ANTXRL: variants seen among roughly 807,000 people sequenced by gnomAD.
The protein encoded by ANTXRL is ANTXR like.
ANTXRL carries 63 observed loss-of-function variants against 75.4 expected under a neutral mutation model. The ratio of observed to expected loss-of-function variants is 0.84; its 90% CI spans 0.68 to 1.03. The LOEUF is 1.03. ANTXRL is among the 50% of genes least tolerant of loss of function. ANTXRL has a pLI of 0.00. For synonymous variants in ANTXRL, 335 were observed against 291.3 expected, an observed-to-expected ratio of 1.15 and a Z score of -1.53; for missense variants, 797 against 789.4, an observed-to-expected ratio of 1.01 and a Z score of -0.12.
rs184087275 is a variant in ANTXRL at position 46,294,059 on chromosome 10, G to A, written c.392+159G>A. ...CAGTACCCACCTGACCTTAGCCCCG[G>A]CTCCCCTGCATCCTCCTACCCATGG... On this transcript the variant is annotated intron_variant, in intron 3 of 16. Coordinates refer to ENST00000620264, the MANE Select transcript of ANTXRL (RefSeq NM_001278688.3). 5.3e-4 allele frequency: 338 copies of A among 632,762 alleles called. 3 individuals carry two copies. The highest frequency in any genetic ancestry group is 5.4e-5 in the Non-Finnish European group (20 of 371,518). The allele number at this position is 632,762 out of a possible 1,614,324, so 39.2% of individuals were successfully genotyped here. A position where few individuals can be genotyped will look rare whatever the true frequency, so the allele number is the denominator to read the frequency against.
chr10:46,287,279 C>G lies in ANTXRL; in HGVS notation c.17C>G (p.Ser6Cys), dbSNP rs750794572. ...AGCCAGATAATGGGGAGCCATGAGT[C>G]CCTGGGGCCCTACTTCCTGGTCTTC... The part of the protein sequence containing the change: MGSHE[S>C]LGPYFLVFLL... Residue 6 changes from serine (S) to cysteine (C), a missense_variant, in exon 1 of 17, where the codon TCC (serine) becomes TGC (cysteine). Transcript: ENST00000620264. 6.3e-5 allele frequency: 96 copies of G among 1,535,696 alleles called. No homozygotes were observed. The highest frequency in any genetic ancestry group is 8.0e-5 in the Non-Finnish European group (92 of 1,146,734).
chr10:46,296,216 C>T lies in ANTXRL; in HGVS notation c.475-3C>T. On this transcript the variant is annotated splice_region_variant and splice_polypyrimidine_tract_variant and intron_variant, in intron 4 of 16. Coordinates refer to ENST00000620264, the MANE Select transcript of ANTXRL (RefSeq NM_001278688.3). ...GGCTCAATATTTCTTCATTTTCTTG[C>T]AGGCAATTCAACAGATCGAAAGTTT... is the stretch of plus-strand genomic sequence containing the variant. The T allele has an allele frequency of 1.3e-6, 2 of 1,535,836 alleles. No homozygotes were observed. Among genetic ancestry groups the T allele is most frequent in the Non-Finnish European group, 1.7e-6 (2 of 1,146,722 alleles).
chr10:46,309,025 A>C, intron 12 of ANTXRL, 88 bp from the exon 13 acceptor site: 1 of 1,516,914 alleles, frequency 6.6e-7, no homozygotes. Flanking sequence ...AGCTAGGGAG[A>C]GTGAGGAGTG....
chr10:46,319,966 C>A (rs544618071), intron 16 of ANTXRL, among the ~76,000 whole-genome samples: 6 of 152,234 alleles, frequency 3.9e-5, no homozygotes, highest in African/African-American at 1.4e-4. Flanking sequence ...TCAACTGTAG[C>A]AAAAAGGAGA....
At chr10:46,295,463 G>GTTAGA (rs1837310433) in intron 3 of ANTXRL, among the ~76,000 whole-genome samples, 2 of 90,392 alleles carry the variant, frequency 2.2e-5, no homozygotes. Flanking sequence ...TTAGGGTTTG[G>GTTAGA]GTTAGAGTTA....
intron 16 of ANTXRL, among the ~76,000 whole-genome samples, chr10:46,317,387 AC>A (rs1838785162): frequency 2.6e-5 from 4 of 152,106 alleles, no homozygotes; most frequent in Non-Finnish European, 5.9e-5. Context: ...TCACTTGCAG[AC>A]CTCCTTCTAA....
intron 9 of ANTXRL, among the ~76,000 whole-genome samples, chr10:46,301,211 G>C (rs1837721567): frequency 6.6e-6 from 1 of 152,252 alleles, no homozygotes; most frequent in African/African-American, 2.4e-5. Context: ...TGTCTGGCTG[G>C]CCAGGGCTTT....
intron 5 of ANTXRL, 82 bp downstream of exon 5, chr10:46,296,334 C>G (rs1554958688): frequency 6.9e-7 from 1 of 1,448,720 alleles, no homozygotes; most frequent in Non-Finnish European, 9.3e-7. Context: ...TGTGCAGAAT[C>G]TGCAAGGCCA....
intron 16 of ANTXRL, among the ~76,000 whole-genome samples, chr10:46,321,938 T>C (rs1291693323): frequency 6.6e-6 from 1 of 152,144 alleles, no homozygotes; most frequent in Non-Finnish European, 1.5e-5. Context: ...TCTTTCAACT[T>C]TTCCAGAAGA....
At chr10:46,319,197 ACTCTTTTGAGTGGC>A (rs1838870664) in intron 16 of ANTXRL, among the ~76,000 whole-genome samples, 1 of 151,972 alleles carries the variant, frequency 6.6e-6, no homozygotes, top group Non-Finnish European at 1.5e-5. Flanking sequence ...TAACAATTTC[ACTCTTTTGAGTGGC>A]CTCTCAATTT....
chr10:46,293,427 CGTGTATGGGTGCAT>C (rs1162891615), intron 2 of ANTXRL, among the ~76,000 whole-genome samples: 19 of 127,808 alleles, frequency 1.5e-4, no homozygotes, highest in East Asian at 7.1e-4. Flanking sequence ...TGGGTGTGTG[CGTGTATGGGTGCAT>C]GTGTATGGGT....
intron 16 of ANTXRL, among the ~76,000 whole-genome samples, chr10:46,328,348 C>T (rs1554966876): frequency 2.6e-5 from 4 of 152,104 alleles, no homozygotes; most frequent in Non-Finnish European, 5.9e-5. Context: ...GCCTGCTAAG[C>T]CCCAAGAGAA....
At chr10:46,302,254 G>A (rs1174614197) in intron 9 of ANTXRL, among the ~76,000 whole-genome samples, 2 of 152,154 alleles carry the variant, frequency 1.3e-5, no homozygotes, top group African/African-American at 2.4e-5. Context: ...CGAATGTTCA[G>A]CAGCCCTGAA....
chr10:46,287,192 C>G lies in ANTXRL; in HGVS notation c.-71C>G, dbSNP rs571536802. 6.7e-7 allele frequency: 1 copy of G among 1,502,264 alleles called. No homozygotes were observed. Among genetic ancestry groups the G allele is most frequent in the Admixed American group, 2.1e-5 (1 of 46,526 alleles). 93.1% of individuals were successfully genotyped at this position (1,502,264 alleles called of 1,614,324 possible). On this transcript the variant is annotated 5_prime_UTR_variant, in exon 1 of 17. Coordinates refer to ENST00000620264, the MANE Select transcript of ANTXRL (RefSeq NM_001278688.3). ...TAAGGGGAGGCGGCAAAGAAGGGGC[C>G]TGTGCTCAGCCTCTCTGGGCCCTGG...
At chr10:46,321,863 T>G (rs1460858528) in intron 16 of ANTXRL, among the ~76,000 whole-genome samples, 2 of 152,132 alleles carry the variant, frequency 1.3e-5, no homozygotes, top group African/African-American at 4.8e-5. Flanking sequence ...TGATAGTACC[T>G]TTGGCCAAGG....
chr10:46,292,156 C>G (rs116422238), intron 2 of ANTXRL, 27 bp downstream of exon 2: 1 of 1,533,408 alleles, frequency 6.5e-7, no homozygotes, highest in Non-Finnish European at 8.7e-7. Context: ...GGCAGCCTCC[C>G]CTGAGCTGCA....
Position 46,287,284 on chromosome 10 carries a change from G to C in ANTXRL, c.22G>C (p.Gly8Arg). MGSHESL[G>R]PYFLVFLLLL... ...GATAATGGGGAGCCATGAGTCCCTG[G>C]GGCCCTACTTCCTGGTCTTCCTGCT... Residue 8 changes from glycine (G) to arginine (R), a missense_variant, in exon 1 of 17, where the codon GGG (glycine) becomes CGG (arginine). Coordinates refer to ENST00000620264, the MANE Select transcript of ANTXRL (RefSeq NM_001278688.3). 1 of 1,535,880 alleles carries C rather than the reference G, an allele frequency of 6.5e-7. No individual in the cohort carries two copies. Among genetic ancestry groups the C allele is most frequent in the Non-Finnish European group, 8.7e-7 (1 of 1,146,728 alleles).
intron 9 of ANTXRL, among the ~76,000 whole-genome samples, chr10:46,301,157 G>A (rs1400832510): frequency 6.6e-6 from 1 of 152,246 alleles, no homozygotes; most frequent in Non-Finnish European, 1.5e-5. Flanking sequence ...AGGGGCGCAG[G>A]CCACAGGCCC....
intron 12 of ANTXRL, chr10:46,308,445 C>A (rs1233903429): frequency 1.6e-5 from 7 of 441,102 alleles, no homozygotes; most frequent in African/African-American, 4.1e-5. Flanking sequence ...CTCCCCTCCC[C>A]TCCCCTCTCC....
Sources: gnomAD v4.1 joint callset for allele counts (sites outside exome capture counted in the v4.1 genomes callset) on GRCh38, gnomAD v4.1.1 for gene constraint, MANE v1.5 for transcripts, NCBI Gene and HGNC (gene_info 2026-07-23, HGNC 2026-07-21) for gene names.